Variants in PCCA observed in about 807,000 individuals in gnomAD.
PCCA encodes the protein propionyl-CoA carboxylase alpha chain, mitochondrial.
Under a neutral mutation model 101.3 loss-of-function variants are expected in PCCA, and 74 were observed. The ratio of observed to expected loss-of-function variants is 0.73; its 90% CI spans 0.61 to 0.89. The LOEUF is 0.89. Ranked by LOEUF, PCCA falls within the 40% of genes least tolerant of loss-of-function variation. PCCA has a pLI of 0.00. For missense variants in PCCA, 891 were observed against 907.0 expected, an observed-to-expected ratio of 0.98 and a Z score of 0.23; for synonymous variants, 294 against 313.6, an observed-to-expected ratio of 0.94 and a Z score of 0.66.
At chr13:100,492,504 A>T (rs554171734) in intron 21 of PCCA, among the ~76,000 whole-genome samples, 3 of 152,026 alleles carry the variant, frequency 2.0e-5, no homozygotes, top group Non-Finnish European at 4.4e-5. Flanking sequence ...CATGCAGTTG[A>T]CTGAATGAAT....
intron 4 of PCCA, among the ~76,000 whole-genome samples, chr13:100,153,870 C>T (rs901595697): frequency 1.3e-5 from 2 of 152,142 alleles, no homozygotes; most frequent in South Asian, 2.1e-4. Flanking sequence ...TTTCAATACT[C>T]AATATAATTT....
chr13:100,149,472 C>T (rs977107168), intron 4 of PCCA: 10 of 152,152 alleles, frequency 6.6e-5, no homozygotes, highest in African/African-American at 1.9e-4. Context: ...ATTCCAGGCT[C>T]GCCACAGTCT....
intron 16 of PCCA, among the ~76,000 whole-genome samples, chr13:100,326,552 G>A (rs1423372825): frequency 6.6e-6 from 1 of 151,978 alleles, no homozygotes; most frequent in Admixed American, 6.6e-5. Flanking sequence ...AGCAAAAAAG[G>A]CAGACAAAAA....
At chr13:100,518,911 A>G (rs966744851) in intron 22 of PCCA, among the ~76,000 whole-genome samples, 1 of 152,214 alleles carries the variant, frequency 6.6e-6, no homozygotes, top group African/African-American at 2.4e-5. Flanking sequence ...AATGTTAGAA[A>G]TATATATATT....
At chr13:100,107,491 C>G (rs2047916176) in intron 2 of PCCA, among the ~76,000 whole-genome samples, 1 of 151,766 alleles carries the variant, frequency 6.6e-6, no homozygotes. Context: ...AGTTCCATAT[C>G]AACCTGGGTA....
intron 18 of PCCA, among the ~76,000 whole-genome samples, chr13:100,363,372 T>A (rs2074844588): frequency 6.6e-6 from 1 of 152,096 alleles, no homozygotes; most frequent in East Asian, 1.9e-4. Flanking sequence ...TTTTTTTTTC[T>A]GATCATTTCC....
chr13:100,530,004 G>C (rs972494276), intron 23 of PCCA, 94 bp from the exon 24 acceptor site: 3 of 952,436 alleles, frequency 3.1e-6, no homozygotes, highest in Non-Finnish European at 5.1e-6. Context: ...TTGCAGGACT[G>C]TGCATTTTTA....
At chr13:100,214,177 A>T (rs1335448464) in intron 7 of PCCA, among the ~76,000 whole-genome samples, 1 of 152,082 alleles carries the variant, frequency 6.6e-6, no homozygotes, top group Non-Finnish European at 1.5e-5. Context: ...CATTTTCCTC[A>T]GGATAGCTTT....
chr13:100,323,837 T>C (rs75870422), intron 16 of PCCA, among the ~76,000 whole-genome samples: 3,246 of 152,288 alleles, frequency 0.021, 46 homozygotes, highest in South Asian at 0.038. Flanking sequence ...CATAATAGGT[T>C]CTATTATTGT....
intron 12 of PCCA, among the ~76,000 whole-genome samples, chr13:100,275,469 T>C (rs543314830): frequency 1.3e-5 from 2 of 152,324 alleles, no homozygotes; most frequent in African/African-American, 4.8e-5. Flanking sequence ...TGCTATGGCT[T>C]TCTTCATGCT....
At chr13:100,462,357 G>A (rs548282437) in intron 21 of PCCA, among the ~76,000 whole-genome samples, 1 of 152,264 alleles carries the variant, frequency 6.6e-6, no homozygotes, top group East Asian at 1.9e-4. Flanking sequence ...AAATTTAAAA[G>A]AAATCATTGC....
At chr13:100,234,474 T>TAA (rs35693167) in intron 7 of PCCA, among the ~76,000 whole-genome samples, 4 of 136,608 alleles carry the variant, frequency 2.9e-5, no homozygotes, top group Non-Finnish European at 3.2e-5. Context: ...CTGCTTGGAG[T>TAA]AAAAAAAAAA....
intron 19 of PCCA, among the ~76,000 whole-genome samples, chr13:100,399,427 T>C (rs926951137): frequency 3.3e-5 from 5 of 152,178 alleles, no homozygotes; most frequent in African/African-American, 1.2e-4. Flanking sequence ...AAAAGAAATA[T>C]AAACTAATTT....
At chr13:100,320,584 A>G (rs982063716) in intron 16 of PCCA, among the ~76,000 whole-genome samples, 3 of 152,130 alleles carry the variant, frequency 2.0e-5, no homozygotes, top group Non-Finnish European at 4.4e-5. Context: ...TGAGATAATC[A>G]TGTGGTTTTT....
intron 12 of PCCA, among the ~76,000 whole-genome samples, chr13:100,276,213 C>CCA (rs1466396645): frequency 9.8e-6 from 1 of 102,128 alleles, no homozygotes; most frequent in Admixed American, 1.0e-4. Context: ...TTGTCTGTAC[C>CCA]AAAAAAAAAA....
intron 4 of PCCA, chr13:100,150,715 G>T (rs1200737356): frequency 1.3e-6 from 2 of 1,578,952 alleles, no homozygotes; most frequent in Non-Finnish European, 8.6e-7. Context: ...CAAAAAATTT[G>T]TATGTGGAAT....
At position 100,467,064 on chromosome 13, in the gene PCCA, A is replaced by G. The variant is rs146368510; in HGVS notation, c.1899+17759A>G. Reference sequence around the variant, plus strand: ...TTGAAGTCTCCCCTTTGAGATCACCAGTAGAATCCCCATGTTTCAGATGCA... The same window carrying G: ...TTGAAGTCTCCCCTTTGAGATCACCGGTAGAATCCCCATGTTTCAGATGCA... On this transcript the variant is annotated intron_variant, in intron 21 of 23. Coordinates refer to ENST00000376285, the MANE Select transcript of PCCA (RefSeq NM_000282.4). Among the ~76,000 whole-genome samples, 55 of 152,268 alleles carry G rather than the reference A, an allele frequency of 3.6e-4. No individual in the cohort carries two copies. The Middle Eastern group carries it at 0.027, about 75-fold the overall frequency.
At position 100,233,168 on chromosome 13, in the gene PCCA, C is replaced by T. The variant is rs1405593312; in HGVS notation, c.601-2674C>T. On this transcript the variant is annotated intron_variant, in intron 7 of 23. Transcript: ENST00000376285. Reference sequence around the variant, plus strand: ...AGTAAAATTTCAGAACAAAAGATAACGTGTCCTCAAACTTTTGGTAGATAC... The same window carrying T: ...AGTAAAATTTCAGAACAAAAGATAATGTGTCCTCAAACTTTTGGTAGATAC... Among the ~76,000 whole-genome samples the T allele has an allele frequency of 3.9e-5, 6 of 152,234 alleles. No homozygotes were observed. In the South Asian group the frequency reaches 8.3e-4, roughly 21 times the overall value.
intron 10 of PCCA, among the ~76,000 whole-genome samples, chr13:100,268,020 C>G (rs1439335198): frequency 6.6e-6 from 1 of 152,016 alleles, no homozygotes; most frequent in Non-Finnish European, 1.5e-5. Flanking sequence ...GCATTTATAC[C>G]TGCTGGTTGG....
Sources: allele counts gnomAD v4.1 joint callset (sites outside exome capture counted in the v4.1 genomes callset), GRCh38; gene constraint gnomAD v4.1.1; transcripts MANE v1.5; gene names NCBI Gene and HGNC (gene_info 2026-07-23, HGNC 2026-07-21).